Variants in GALK2 observed in about 807,000 individuals in gnomAD.
GALK2 encodes the protein N-acetylgalactosamine kinase.
A neutral mutation model predicts 52.4 loss-of-function variants in GALK2; 36 were observed. The ratio of observed to expected loss-of-function variants is 0.69; its 90% CI spans 0.53 to 0.91. The LOEUF (loss-of-function observed/expected upper bound fraction) is 0.91. Ranked by LOEUF, GALK2 falls within the 40% of genes least tolerant of loss-of-function variation. GALK2 has a pLI of 0.00. For synonymous variants in GALK2, 176 were observed against 199.1 expected, an observed-to-expected ratio of 0.88 and a Z score of 0.98; for missense variants, 579 against 559.1, an observed-to-expected ratio of 1.04 and a Z score of -0.36.
chr15:49,336,362 C>G (rs547133083), downstream of GALK2, among the ~76,000 whole-genome samples: 269 of 152,312 alleles, frequency 1.8e-3, no homozygotes, highest in African/African-American at 6.2e-3. Context: ...AGACACTTCC[C>G]TTTGAAGTGG....
At chr15:49,155,929 C>A in exon 1 of GALK2, 2 of 1,546,982 alleles carry the variant, frequency 1.3e-6, no homozygotes, top group Non-Finnish European at 1.8e-6. Context: ...GGACTCTGGA[C>A]GCATCTCATT....
intron 5 of GALK2, among the ~76,000 whole-genome samples, chr15:49,269,428 C>G (rs887207369): frequency 6.6e-6 from 1 of 152,104 alleles, no homozygotes; most frequent in Non-Finnish European, 1.5e-5. Flanking sequence ...TGCCCAAGAA[C>G]CCACATTTTG....
At chr15:49,259,620 G>A (rs2091995042) in intron 5 of GALK2, among the ~76,000 whole-genome samples, 1 of 142,480 alleles carries the variant, frequency 7.0e-6, no homozygotes, top group African/African-American at 2.6e-5. Flanking sequence ...GGGTACATGT[G>A]CACAATGTGC....
At chr15:49,204,454 C>T (rs2088092491) in intron 2 of GALK2, among the ~76,000 whole-genome samples, 1 of 152,020 alleles carries the variant, frequency 6.6e-6, no homozygotes, top group Non-Finnish European at 1.5e-5. Context: ...TTAATTCTTC[C>T]AGTCCAAGAA....
At chr15:49,297,545 A>G (rs958565930) in intron 8 of GALK2, among the ~76,000 whole-genome samples, 1 of 152,064 alleles carries the variant, frequency 6.6e-6, no homozygotes, top group Non-Finnish European at 1.5e-5. Flanking sequence ...TTTTTTCTAG[A>G]ATTTTTATAG....
chr15:49,277,631 A>G (rs532043365), intron 5 of GALK2, among the ~76,000 whole-genome samples: 3 of 149,282 alleles, frequency 2.0e-5, no homozygotes, highest in African/African-American at 7.4e-5. Context: ...CCCCGTCTCT[A>G]CTAAAAATAC....
At chr15:49,300,883 C>T (rs905647549) in intron 8 of GALK2, among the ~76,000 whole-genome samples, 6 of 152,124 alleles carry the variant, frequency 3.9e-5, no homozygotes, top group African/African-American at 4.8e-5. Flanking sequence ...TTATTGGCAG[C>T]AAGAGAACGG....
chr15:49,264,233 A>T (rs1400159509), intron 5 of GALK2, among the ~76,000 whole-genome samples: 1 of 151,600 alleles, frequency 6.6e-6, no homozygotes, highest in Non-Finnish European at 1.5e-5. Flanking sequence ...TGGTCTTTTC[A>T]CATAGTCCCA....
chr15:49,332,087 C>CCACA (rs377139081), downstream of GALK2, among the ~76,000 whole-genome samples: 708 of 127,976 alleles, frequency 5.5e-3, 9 homozygotes, highest in Non-Finnish European at 7.7e-3. Context: ...TGCACACGTG[C>CCACA]CACACACACA....
intron 3 of GALK2, among the ~76,000 whole-genome samples, chr15:49,235,036 A>G (rs1370219252): frequency 6.6e-6 from 1 of 152,128 alleles, no homozygotes; most frequent in African/African-American, 2.4e-5. Context: ...AAGTGCTGAG[A>G]TTAGAGGTGT....
intron 5 of GALK2, among the ~76,000 whole-genome samples, chr15:49,241,013 C>G (rs2091066363): frequency 1.3e-5 from 2 of 152,012 alleles, no homozygotes; most frequent in Admixed American, 1.3e-4. Context: ...ATCAGTAGGA[C>G]TTGGTCATTG....
chr15:49,357,677 C>T (rs1284809296), intron 3 of GALK2, among the ~76,000 whole-genome samples: 2 of 151,616 alleles, frequency 1.3e-5, no homozygotes, highest in East Asian at 3.9e-4. Flanking sequence ...GAACTGGTAC[C>T]ATTCCTTCTG....
intron 2 of GALK2, among the ~76,000 whole-genome samples, chr15:49,212,154 G>A (rs972642829): frequency 1.1e-4 from 17 of 152,020 alleles, no homozygotes; most frequent in African/African-American, 3.9e-4. Context: ...GTGCAGTGGC[G>A]CTATCTCAAC....
chr15:49,318,950 CTTTCTT>C, intron 8 of GALK2: 2 of 447,176 alleles, frequency 4.5e-6, no homozygotes, highest in South Asian at 3.2e-5. Flanking sequence ...ACTTTTCTTT[CTTTCTT>C]TTTTTTTTTT....
chr15:49,361,391 C>G (rs924559497), intron 3 of GALK2, among the ~76,000 whole-genome samples: 4 of 152,076 alleles, frequency 2.6e-5, no homozygotes, highest in African/African-American at 9.7e-5. Context: ...GATCCTCACC[C>G]TCCTCCTTCC....
At chr15:49,168,098 T>C (rs74419139), upstream of GALK2, among the ~76,000 whole-genome samples, 10,318 of 152,260 alleles carry the variant, frequency 0.068, 733 homozygotes, top group African/African-American at 0.17. Context: ...CCTGTTTTAC[T>C]TTGTGCCAAT....
intron 7 of GALK2, among the ~76,000 whole-genome samples, chr15:49,284,549 T>C (rs2033127698): frequency 1.3e-5 from 2 of 152,210 alleles, no homozygotes; most frequent in Non-Finnish European, 2.9e-5. Flanking sequence ...GGAGCTCCAC[T>C]GTGCTTTCTT....
At chr15:49,211,006 C>CACAT (rs1555405160) in intron 2 of GALK2, among the ~76,000 whole-genome samples, 1 of 151,102 alleles carries the variant, frequency 6.6e-6, no homozygotes, top group African/African-American at 2.4e-5. Context: ...CACACACACA[C>CACAT]GGCCTTTTCA....
chr15:49,303,520 G>A (rs571908868), intron 8 of GALK2, among the ~76,000 whole-genome samples: 28 of 152,302 alleles, frequency 1.8e-4, no homozygotes, highest in Admixed American at 4.6e-4. Flanking sequence ...ATGAACTGCC[G>A]TGGCACCAGC....
Sources: gnomAD v4.1 joint callset for allele counts (sites outside exome capture counted in the v4.1 genomes callset) on GRCh38, gnomAD v4.1.1 for gene constraint, MANE v1.5 for transcripts, NCBI Gene and HGNC (gene_info 2026-07-23, HGNC 2026-07-21) for gene names.